The following CSGALNACT1 variants were observed in gnomAD, a reference collection of about 807,000 sequenced individuals.
CSGALNACT1 encodes beta4GalNAcT-1.
CSGALNACT1 carries 52 observed loss-of-function variants against 51.0 expected under a neutral mutation model. The ratio of observed to expected loss-of-function variants is 1.02; its 90% confidence interval spans 0.82 to 1.29. The LOEUF is 1.29. Ranked by LOEUF, CSGALNACT1 falls within the 50% of genes most tolerant of loss-of-function variation. CSGALNACT1 has a pLI of 0.00. For synonymous variants in CSGALNACT1, 341 were observed against 254.4 expected (o/e 1.34, Z -3.24); for missense variants, 935 against 679.2 (o/e 1.38, Z -4.19).
chr8:19,645,447 C>A (rs1033305550), intron 1 of CSGALNACT1, among the ~76,000 whole-genome samples: 2 of 152,232 alleles, frequency 1.3e-5, no homozygotes, highest in Non-Finnish European at 2.9e-5. Flanking sequence ...TGAAGTCACA[C>A]AGACAGGAGG....
At chr8:19,619,348 C>T (rs930941901) in intron 1 of CSGALNACT1, among the ~76,000 whole-genome samples, 9 of 151,716 alleles carry the variant, frequency 5.9e-5, no homozygotes, top group Non-Finnish European at 7.4e-5. Context: ...GAGATGCCTA[C>T]AGGAGTGTGG....
At chr8:19,496,321 T>C (rs1234500050) in intron 4 of CSGALNACT1, among the ~76,000 whole-genome samples, 1 of 152,186 alleles carries the variant, frequency 6.6e-6, no homozygotes, top group Non-Finnish European at 1.5e-5. Context: ...AAGTAAATCT[T>C]CTAATAAGGG....
At chr8:19,609,618 C>G (rs2051906043) in intron 1 of CSGALNACT1, among the ~76,000 whole-genome samples, 1 of 148,580 alleles carries the variant, frequency 6.7e-6, no homozygotes, top group African/African-American at 2.5e-5. Flanking sequence ...CATTCATATA[C>G]AATTCCAGCA....
intron 1 of CSGALNACT1, among the ~76,000 whole-genome samples, chr8:19,703,538 C>T (rs538032190): frequency 6.6e-6 from 1 of 152,274 alleles, no homozygotes; most frequent in South Asian, 2.1e-4. Flanking sequence ...CTCCTGACCT[C>T]ATGATCCACC....
At chr8:19,748,821 C>T (rs112349575) in intron 1 of CSGALNACT1, among the ~76,000 whole-genome samples, 10,019 of 151,962 alleles carry the variant, frequency 0.066, 393 homozygotes, top group Middle Eastern at 0.092. Context: ...AAAAATTAGC[C>T]GGGTGTGGTG....
At chr8:19,537,475 A>G (rs1563950467) in intron 3 of CSGALNACT1, among the ~76,000 whole-genome samples, 1 of 152,168 alleles carries the variant, frequency 6.6e-6, no homozygotes, top group Non-Finnish European at 1.5e-5. Context: ...ATAAATATTC[A>G]TGACTTATTA....
intron 3 of CSGALNACT1, among the ~76,000 whole-genome samples, chr8:19,569,208 G>A (rs1337531235): frequency 6.6e-6 from 1 of 152,180 alleles, no homozygotes; most frequent in Non-Finnish European, 1.5e-5. Flanking sequence ...CAGTGCTAGA[G>A]GAAAACTGAA....
intron 1 of CSGALNACT1, among the ~76,000 whole-genome samples, chr8:19,680,054 C>G (rs1015182811): frequency 6.6e-6 from 1 of 152,054 alleles, no homozygotes; most frequent in African/African-American, 2.4e-5. Flanking sequence ...TAACAAATTA[C>G]TTGTTTGAAA....
intron 3 of CSGALNACT1, among the ~76,000 whole-genome samples, chr8:19,590,796 T>C (rs779083922): frequency 6.6e-6 from 1 of 151,824 alleles, no homozygotes; most frequent in Non-Finnish European, 1.5e-5. Context: ...ATTACAGGTG[T>C]CCACCACCAC....
chr8:19,439,708 A>G, intron 6 of CSGALNACT1, 122 bp downstream of exon 5: 1 of 780,596 alleles, frequency 1.3e-6, no homozygotes. Context: ...GCCAGCAATC[A>G]ATCCATCCCA....
intron 3 of CSGALNACT1, among the ~76,000 whole-genome samples, chr8:19,589,947 C>G (rs1266401471): frequency 6.6e-6 from 1 of 152,180 alleles, no homozygotes; most frequent in Non-Finnish European, 1.5e-5. Flanking sequence ...GTTAAACAGT[C>G]ATTCTCTTCT....
upstream of CSGALNACT1, among the ~76,000 whole-genome samples, chr8:19,683,493 T>C (rs7812740): frequency 0.25 from 37,470 of 152,124 alleles, 4,989 homozygotes; most frequent in Middle Eastern, 0.37. Flanking sequence ...CACACACCAA[T>C]GGCAGCCAGT....
chr8:19,618,255 A>G (rs2053306945), intron 1 of CSGALNACT1, among the ~76,000 whole-genome samples: 1 of 152,174 alleles, frequency 6.6e-6, no homozygotes, highest in Admixed American at 6.6e-5. Flanking sequence ...GCTCAGGAAG[A>G]TCTATGTCTC....
intron 2 of CSGALNACT1, among the ~76,000 whole-genome samples, chr8:19,599,516 GAAAGAAAGA>G (rs1397492632): frequency 8.4e-6 from 1 of 119,196 alleles, no homozygotes; most frequent in African/African-American, 3.1e-5. Context: ...AAGAAAGAAA[GAAAGAAAGA>G]AAAGAAAGAA....
intron 1 of CSGALNACT1, among the ~76,000 whole-genome samples, chr8:19,725,856 AGCAGAGT>A (rs1382122237): frequency 6.6e-6 from 1 of 152,052 alleles, no homozygotes; most frequent in Non-Finnish European, 1.5e-5. Flanking sequence ...CACATACCCT[AGCAGAGT>A]GGTGCATTTG....
chr8:19,535,412 T>A (rs1251953578), intron 3 of CSGALNACT1, among the ~76,000 whole-genome samples: 1 of 152,178 alleles, frequency 6.6e-6, no homozygotes, highest in African/African-American at 2.4e-5. Flanking sequence ...TAGTTAAAAG[T>A]TGATGACTAT....
intron 1 of CSGALNACT1, among the ~76,000 whole-genome samples, chr8:19,706,774 C>T (rs1391977045): frequency 6.6e-6 from 1 of 152,130 alleles, no homozygotes; most frequent in Non-Finnish European, 1.5e-5. Flanking sequence ...CAGGCATGCA[C>T]CACCATGCCT....
intron 3 of CSGALNACT1, among the ~76,000 whole-genome samples, chr8:19,557,166 T>C (rs920724828): frequency 6.6e-6 from 1 of 152,156 alleles, no homozygotes; most frequent in South Asian, 2.1e-4. Flanking sequence ...TTGCCTCTTC[T>C]AGACACATCA....
chr8:19,512,024 G>A (rs1373200614), intron 3 of CSGALNACT1, among the ~76,000 whole-genome samples: 5 of 152,150 alleles, frequency 3.3e-5, no homozygotes, highest in Admixed American at 2.0e-4. Context: ...CTCAATACTG[G>A]GGATTACAAT....
Sources: gnomAD v4.1 joint callset for allele counts (sites outside exome capture counted in the v4.1 genomes callset) on GRCh38, gnomAD v4.1.1 for gene constraint, MANE v1.5 for transcripts, NCBI Gene and HGNC (gene_info 2026-07-23, HGNC 2026-07-21) for gene names.